CHSY3: variants seen among roughly 807,000 people sequenced by gnomAD.
The protein encoded by CHSY3 is N-acetylgalactosaminyl-proteoglycan 3-beta-glucuronosyltransferase 3.
A neutral mutation model predicts 67.2 loss-of-function variants in CHSY3; 35 were observed. That is an observed-to-expected ratio of 0.52 (90% CI 0.40 to 0.69). The LOEUF (loss-of-function observed/expected upper bound fraction) is 0.69, where lower values mean the gene tolerates loss of function less well. Ranked by LOEUF, CHSY3 falls within the 30% of genes least tolerant of loss-of-function variation. CHSY3 has a pLI of 0.00. For synonymous variants in CHSY3, 474 were observed against 434.7 expected, an observed-to-expected ratio of 1.09 and a Z score of -1.12; for missense variants, 1,069 against 1,138.5, an observed-to-expected ratio of 0.94 and a Z score of 0.88.
chr5:130,087,702 T>A (rs1416052362), intron 2 of CHSY3, among the ~76,000 whole-genome samples: 1 of 151,850 alleles, frequency 6.6e-6, no homozygotes, highest in African/African-American at 2.4e-5. Flanking sequence ...AAACCACTGC[T>A]CAAGGAAATA....
intron 2 of CHSY3, among the ~76,000 whole-genome samples, chr5:129,966,168 G>A (rs1762463026): frequency 6.6e-6 from 1 of 151,896 alleles, no homozygotes; most frequent in Non-Finnish European, 1.5e-5. Context: ...AAATGTCAAG[G>A]AATGTTTGTG....
At chr5:129,981,812 A>G (rs1402581634) in intron 2 of CHSY3, among the ~76,000 whole-genome samples, 3 of 152,322 alleles carry the variant, frequency 2.0e-5, no homozygotes, top group East Asian at 1.9e-4. Flanking sequence ...TCTCATCACT[A>G]TGTATAATGC....
chr5:129,905,925 GTTAGAAAAGGAACC>G (rs1668713648), intron 1 of CHSY3: 1 of 530,690 alleles, frequency 1.9e-6, no homozygotes, highest in Admixed American at 3.7e-5. Flanking sequence ...CGTCGGAGAG[GTTAGAAAAGGAACC>G]TTAGAGCTAA....
chr5:129,998,659 A>C (rs1763624683), intron 2 of CHSY3, among the ~76,000 whole-genome samples: 1 of 152,104 alleles, frequency 6.6e-6, no homozygotes, highest in Non-Finnish European at 1.5e-5. Flanking sequence ...CTGATTATTA[A>C]AAAAGCCAGT....
intron 2 of CHSY3, among the ~76,000 whole-genome samples, chr5:130,102,166 A>G (rs939528373): frequency 1.3e-5 from 2 of 152,098 alleles, no homozygotes; most frequent in Non-Finnish European, 2.9e-5. Flanking sequence ...TGACTTTAAA[A>G]TATTTCAGTG....
chr5:130,179,462 A>C (rs1201343085), intron 2 of CHSY3, among the ~76,000 whole-genome samples: 2 of 152,068 alleles, frequency 1.3e-5, no homozygotes, highest in Non-Finnish European at 2.9e-5. Flanking sequence ...TCTATCCCTT[A>C]ATAATAGCTT....
At chr5:130,181,301 A>G (rs1031383238) in intron 2 of CHSY3, among the ~76,000 whole-genome samples, 2 of 152,232 alleles carry the variant, frequency 1.3e-5, no homozygotes, top group African/African-American at 4.8e-5. Flanking sequence ...TAAATTTTAC[A>G]CATATTTTTC....
intron 2 of CHSY3, among the ~76,000 whole-genome samples, chr5:129,939,214 G>A (rs2149593437): frequency 6.6e-6 from 1 of 152,246 alleles, no homozygotes; most frequent in East Asian, 1.9e-4. Flanking sequence ...ACTCTATCTG[G>A]AGACAGCAAG....
intron 2 of CHSY3, among the ~76,000 whole-genome samples, chr5:130,023,240 A>T (rs1292314819): frequency 6.6e-6 from 1 of 151,942 alleles, no homozygotes; most frequent in East Asian, 1.9e-4. Context: ...AGGAAGGAAA[A>T]AAAAGAGGTT....
At chr5:130,057,992 A>G (rs989488646) in intron 2 of CHSY3, among the ~76,000 whole-genome samples, 2 of 151,998 alleles carry the variant, frequency 1.3e-5, no homozygotes, top group South Asian at 2.1e-4. Context: ...TATTTCCCCA[A>G]TCTCAAATAT....
intron 2 of CHSY3, among the ~76,000 whole-genome samples, chr5:130,151,010 A>G (rs1425209698): frequency 6.6e-6 from 1 of 152,324 alleles, no homozygotes; most frequent in Middle Eastern, 3.4e-3. Context: ...GTTTCAAAGC[A>G]TGACAACTAA....
intron 2 of CHSY3, among the ~76,000 whole-genome samples, chr5:129,965,435 A>G (rs1467285154): frequency 6.6e-6 from 1 of 151,958 alleles, no homozygotes; most frequent in Non-Finnish European, 1.5e-5. Flanking sequence ...AGTTTGCTTT[A>G]ACTGTCAGTC....
chr5:129,907,768 G>A (rs1157617706), intron 1 of CHSY3, among the ~76,000 whole-genome samples: 2 of 152,086 alleles, frequency 1.3e-5, no homozygotes, highest in African/African-American at 2.4e-5. Context: ...TACTTCAAAT[G>A]TACTAAGAAA....
chr5:130,157,127 T>G (rs1769394360), intron 2 of CHSY3, among the ~76,000 whole-genome samples: 1 of 152,216 alleles, frequency 6.6e-6, no homozygotes, highest in East Asian at 1.9e-4. Flanking sequence ...GACTTCTCTC[T>G]CCCATTGTTA....
intron 2 of CHSY3, among the ~76,000 whole-genome samples, chr5:130,067,976 C>T (rs1320446270): frequency 6.6e-6 from 1 of 152,128 alleles, no homozygotes; most frequent in Admixed American, 6.6e-5. Flanking sequence ...CTATAAATAA[C>T]TTTCCCAGTG....
At chr5:130,122,308 G>C (rs1372427221) in intron 2 of CHSY3, among the ~76,000 whole-genome samples, 2 of 151,994 alleles carry the variant, frequency 1.3e-5, no homozygotes, top group African/African-American at 4.8e-5. Context: ...AGTTGAATTA[G>C]ACATTTTTTC....
chr5:129,919,398 A>G (rs1760844280), intron 2 of CHSY3, among the ~76,000 whole-genome samples: 1 of 152,152 alleles, frequency 6.6e-6, no homozygotes, highest in South Asian at 2.1e-4. Context: ...TAGTTGGTGT[A>G]TTAGTCTTTT....
Position 129,921,079 on chromosome 5 carries a change from C to G in CHSY3, c.1086+12719C>G, listed in dbSNP as rs549057929. ...AAGTGATCTGCCTGCATTGGCTTCCCAAAGTGTTAAGATTATAGGCGTGAA... is the reference window on the plus strand; with the variant it reads ...AAGTGATCTGCCTGCATTGGCTTCCGAAAGTGTTAAGATTATAGGCGTGAA... On this transcript the variant is annotated intron_variant, in intron 2 of 2. Coordinates refer to ENST00000305031, the MANE Select transcript of CHSY3 (RefSeq NM_175856.5). 1.1e-4 allele frequency among the ~76,000 whole-genome samples: 17 copies of G among 152,292 alleles called. No individual in the cohort carries two copies. In the South Asian group the frequency reaches 3.3e-3, roughly 30 times the overall value.
chr5:129,981,137 C>T (rs1762972451), intron 2 of CHSY3, among the ~76,000 whole-genome samples: 1 of 151,056 alleles, frequency 6.6e-6, no homozygotes, highest in African/African-American at 2.4e-5. Context: ...AGGAGAATGG[C>T]GTGAACCCGG....
Sources: allele counts gnomAD v4.1 joint callset (sites outside exome capture counted in the v4.1 genomes callset), GRCh38; gene constraint gnomAD v4.1.1; transcripts MANE v1.5; gene names NCBI Gene and HGNC (gene_info 2026-07-23, HGNC 2026-07-21).